Variants in SPAG16 observed in about 807,000 individuals in gnomAD.
SPAG16 encodes the protein sperm associated antigen 16, also known as sperm-associated antigen 16 protein.
In SPAG16, 86 loss-of-function variants were observed where a neutral mutation model predicts 80.4. The observed-to-expected ratio is 1.07, with a 90% CI of 0.90 to 1.28. The LOEUF (loss-of-function observed/expected upper bound fraction) is 1.28, where lower values mean the gene tolerates loss of function less well. Among genes scored for constraint, SPAG16 ranks in the 50% most tolerant of loss-of-function variants. The pLI, the probability that SPAG16 is intolerant of heterozygous loss-of-function variation, is 0.00. For missense variants in SPAG16, 870 were observed against 765.3 expected, an observed-to-expected ratio of 1.14 and a Z score of -1.61; for synonymous variants, 294 against 265.9, an observed-to-expected ratio of 1.11 and a Z score of -1.03.
chr2:213,636,139 T>C (rs1020456885), intron 10 of SPAG16, among the ~76,000 whole-genome samples: 4 of 152,182 alleles, frequency 2.6e-5, no homozygotes, highest in Non-Finnish European at 4.4e-5. Flanking sequence ...AGGTGAGAGA[T>C]GAGGATCTAG....
intron 10 of SPAG16, among the ~76,000 whole-genome samples, chr2:213,504,409 TA>T (rs1489478750): frequency 1.3e-5 from 2 of 152,042 alleles, no homozygotes; most frequent in South Asian, 4.1e-4. Context: ...GGTATTAAAA[TA>T]AAAGAAATTG....
intron 11 of SPAG16, among the ~76,000 whole-genome samples, chr2:213,891,266 C>T (rs943245100): frequency 6.6e-6 from 1 of 151,990 alleles, no homozygotes; most frequent in Non-Finnish European, 1.5e-5. Flanking sequence ...AGAAGTTTAT[C>T]ATTGGCATGC....
At chr2:213,790,748 A>G (rs978528667) in intron 10 of SPAG16, among the ~76,000 whole-genome samples, 1 of 152,018 alleles carries the variant, frequency 6.6e-6, no homozygotes, top group Non-Finnish European at 1.5e-5. Flanking sequence ...TAGAATAATG[A>G]AGGTAGCTTA....
chr2:213,520,497 G>A (rs1417328177), intron 10 of SPAG16, among the ~76,000 whole-genome samples: 1 of 152,128 alleles, frequency 6.6e-6, no homozygotes, highest in African/African-American at 2.4e-5. Flanking sequence ...TGGAGGCTGA[G>A]GCAGGAGAAT....
rs960227947 is a variant in SPAG16, at chr2:213,884,512, C to T, written c.1214+21884C>T. Reference sequence around the variant, plus strand: ...CTTGTGTAGTATCTACGCTGTTCTCCATATTTCTTGGGTTTGCATGTCAAC... The same window carrying T: ...CTTGTGTAGTATCTACGCTGTTCTCTATATTTCTTGGGTTTGCATGTCAAC... On this transcript the variant is annotated intron_variant, in intron 11 of 15. Coordinates refer to ENST00000331683, the MANE Select transcript of SPAG16 (RefSeq NM_024532.5). Among the ~76,000 whole-genome samples the T allele has an allele frequency of 3.9e-5, 6 of 152,120 alleles. No homozygotes were observed. In the East Asian group the frequency reaches 9.7e-4, roughly 25 times the overall value.
In SPAG16 at chr2:214,011,382, A is replaced by C. The variant is rs143254623; in HGVS notation, c.1401-2569A>C. ...TGGCACTCTCCTCAAAAAAGATTAA[A>C]TGTCATAAGTAAAACCCAAGTATAC... On this transcript the variant is annotated intron_variant, in intron 12 of 15. Transcript: ENST00000331683. 1.4e-3 allele frequency among the ~76,000 whole-genome samples: 182 copies of C among 132,226 alleles called. 29 individuals are homozygous for C. Among genetic ancestry groups the C allele is most frequent in the African/African-American group, 5.8e-3 (177 of 30,548 alleles). 86.7% of individuals were successfully genotyped at this position (132,226 alleles called of 152,430 possible). A position where few individuals can be genotyped will look rare whatever the true frequency, so the allele number is the denominator to read the frequency against.
intron 10 of SPAG16, among the ~76,000 whole-genome samples, chr2:213,497,591 C>T (rs1575752901): frequency 6.6e-6 from 1 of 152,016 alleles, no homozygotes; most frequent in East Asian, 1.9e-4. Flanking sequence ...GGACTGTAAA[C>T]ATTTTTCATT....
At position 214,108,254 on chromosome 2, in the gene SPAG16, A is replaced by T. The variant is rs777859783; in HGVS notation, c.1586A>T (p.Asp529Val). 1 of 1,602,066 alleles carries T rather than the reference A, an allele frequency of 6.2e-7. No homozygotes were observed. The highest frequency in any genetic ancestry group is 1.7e-5 in the Admixed American group (1 of 59,704). ...CATTCTATCAATGATGCCATTTTTGATCCCAGGGTAAGTTCAGTTCTCCCA... is the reference window on the plus strand; with the variant it reads ...CATTCTATCAATGATGCCATTTTTGTTCCCAGGGTAAGTTCAGTTCTCCCA... ...HMHSINDAIFDPRGHMIASCD... is the reference protein window; with the variant it reads ...HMHSINDAIFVPRGHMIASCD... The change falls in exon 14 of 16, where the codon GAT becomes GTT. Residue 529 changes from aspartate to valine, a missense_variant. Coordinates refer to ENST00000331683, the MANE Select transcript of SPAG16 (RefSeq NM_024532.5).
At chr2:213,404,731 T>C (rs1369743093) in intron 9 of SPAG16, among the ~76,000 whole-genome samples, 1 of 152,240 alleles carries the variant, frequency 6.6e-6, no homozygotes, top group Non-Finnish European at 1.5e-5. Flanking sequence ...ATTTATTTAT[T>C]CTTAATTGTC....
chr2:214,232,618 C>G (rs1005829635), intron 15 of SPAG16, among the ~76,000 whole-genome samples: 2 of 151,942 alleles, frequency 1.3e-5, no homozygotes, highest in Non-Finnish European at 2.9e-5. Context: ...TGGATTTACT[C>G]AATTTATTCT....
At chr2:213,912,583 T>G (rs1238912473) in intron 11 of SPAG16, among the ~76,000 whole-genome samples, 1 of 152,186 alleles carries the variant, frequency 6.6e-6, no homozygotes, top group Non-Finnish European at 1.5e-5. Flanking sequence ...TGACTTGTTT[T>G]GGCCAGTGGA....
intron 10 of SPAG16, among the ~76,000 whole-genome samples, chr2:213,518,446 G>C (rs1395667769): frequency 6.6e-6 from 1 of 152,144 alleles, no homozygotes; most frequent in Non-Finnish European, 1.5e-5. Flanking sequence ...GTAGAGACAA[G>C]GTTTTGCTTT....
intron 10 of SPAG16, among the ~76,000 whole-genome samples, chr2:213,583,525 G>T (rs1002662411): frequency 8.5e-5 from 13 of 152,186 alleles, no homozygotes; most frequent in African/African-American, 2.9e-4. Context: ...TGTGTATAAT[G>T]CTTCATATAC....
At position 213,322,345 on chromosome 2, in the gene SPAG16, A is replaced by C. The variant is rs569579421; in HGVS notation, c.536+4989A>C. Among the ~76,000 whole-genome samples, 502 of 118,446 alleles carry C rather than the reference A, an allele frequency of 4.2e-3. 7 individuals carry two copies. The highest frequency in any genetic ancestry group is 6.5e-3 in the Non-Finnish European group (379 of 58,462). The allele number at this position is 118,446 out of a possible 152,430, so 77.7% of individuals were successfully genotyped here. A position where few individuals can be genotyped will look rare whatever the true frequency, so the allele number is the denominator to read the frequency against. On this transcript the variant is annotated intron_variant, in intron 5 of 15. Transcript: ENST00000331683. ...TAGTGTAGACAATGCAAAAAAAAAA[A>C]AAAAAAAAAAACAAAAAACTCGTTT... is the stretch of plus-strand genomic sequence containing the variant.
intron 15 of SPAG16, among the ~76,000 whole-genome samples, chr2:214,244,465 T>A (rs964916427): frequency 6.6e-6 from 1 of 150,836 alleles, no homozygotes; most frequent in African/African-American, 2.4e-5. Flanking sequence ...TATGGAGTAA[T>A]TGAGAAACAA....
intron 14 of SPAG16, among the ~76,000 whole-genome samples, chr2:214,125,473 A>G (rs146175639): frequency 4.3e-4 from 65 of 151,798 alleles, no homozygotes; most frequent in African/African-American, 1.3e-3. Flanking sequence ...TATTATGGAT[A>G]CAATTCCATA....
intron 12 of SPAG16, among the ~76,000 whole-genome samples, chr2:213,957,789 A>G (rs2044224454): frequency 6.6e-6 from 1 of 152,142 alleles, no homozygotes; most frequent in Non-Finnish European, 1.5e-5. Context: ...TAGAGATTAC[A>G]TTTAACATCC....
intron 10 of SPAG16, among the ~76,000 whole-genome samples, chr2:213,659,332 T>TAAAAAAA (rs1176270395): frequency 7.5e-6 from 1 of 134,022 alleles, no homozygotes; most frequent in Non-Finnish European, 1.6e-5. Context: ...CCAATCATCT[T>TAAAAAAA]AAAAAAAAAA....
intron 10 of SPAG16, among the ~76,000 whole-genome samples, chr2:213,556,923 TCTC>T (rs2059443990): frequency 1.3e-5 from 2 of 152,182 alleles, no homozygotes; most frequent in Non-Finnish European, 1.5e-5. Context: ...TTTCTTCACT[TCTC>T]TATTCATGTA....
Sources: gnomAD v4.1 joint callset for allele counts (sites outside exome capture counted in the v4.1 genomes callset) on GRCh38, gnomAD v4.1.1 for gene constraint, MANE v1.5 for transcripts, NCBI Gene and HGNC (gene_info 2026-07-23, HGNC 2026-07-21) for gene names.